Variants in RALY observed in about 807,000 individuals in gnomAD.
RALY encodes RNA-binding protein Raly.
Under a neutral mutation model 30.7 loss-of-function variants are expected in RALY, and 15 were observed. The observed-to-expected ratio is 0.49, with a 90% CI of 0.33 to 0.75. The LOEUF is 0.75. Ranked by LOEUF, RALY falls within the 30% of genes least tolerant of loss-of-function variation. The probability of loss-of-function intolerance (pLI) is 0.02; values close to 1 mark genes in which losing one functional copy is unlikely to be tolerated. For missense variants in RALY, 339 were observed against 414.3 expected (o/e 0.82, Z 1.58); for synonymous variants, 177 against 170.8 (o/e 1.04, Z -0.28).
chr20:34,002,241 A>G (rs1338803192), intron 1 of RALY, among the ~76,000 whole-genome samples: 1 of 152,182 alleles, frequency 6.6e-6, no homozygotes, highest in Non-Finnish European at 1.5e-5. Flanking sequence ...ATTCACCCTA[A>G]TTGATTCTTA....
At position 33,999,523 on chromosome 20, in the gene RALY, T is replaced by G. The variant is rs554059497; in HGVS notation, c.-93+5392T>G. Among the ~76,000 whole-genome samples the G allele has an allele frequency of 3.9e-5, 6 of 152,320 alleles. No individual in the cohort carries two copies. The East Asian group carries it at 1.2e-3, about 29-fold the overall frequency. On this transcript the variant is annotated intron_variant, in intron 1 of 9. Transcript: ENST00000246194. ...GGCACAGCCTGGAAACTGCTTACGT[T>G]AAGCCAAGAAAAGTTTACATTTTAT...
chr20:34,078,521 C>A lies in RALY; in HGVS notation c.893C>A (p.Thr298Lys). The A allele has an allele frequency of 6.3e-7, 1 of 1,587,998 alleles. No individual in the cohort carries two copies. The highest frequency in any genetic ancestry group is 8.6e-7 in the Non-Finnish European group (1 of 1,167,006). The change falls in exon 9 of 10, where the codon ACA becomes AAA. Residue 298 changes from threonine to lysine, a missense_variant. Around this residue, in one of 2 missense-constraint regions of RALY, gnomAD observed 268 missense variants for 280.6 expected, o/e 0.95. Coordinates refer to ENST00000246194, the MANE Select transcript of RALY (RefSeq NM_016732.3). ...CCCTATCAGGAACACAGCCAGGACA[C>A]AGACGCGGATGATGGGGCCTTGCAG... ...SEEELEHSQD[T>K]DADDGALQ
At chr20:33,998,105 T>G (rs1157861994) in intron 1 of RALY, among the ~76,000 whole-genome samples, 1 of 152,238 alleles carries the variant, frequency 6.6e-6, no homozygotes, top group Non-Finnish European at 1.5e-5. Flanking sequence ...GGAAAGTTTT[T>G]CATTCACTGA....
intron 2 of RALY, among the ~76,000 whole-genome samples, chr20:34,058,962 T>A (rs2033338401): frequency 6.6e-6 from 1 of 152,070 alleles, no homozygotes; most frequent in Non-Finnish European, 1.5e-5. Flanking sequence ...TGCTTAGTAA[T>A]GTTTGTGGAG....
intron 1 of RALY, among the ~76,000 whole-genome samples, chr20:33,995,186 C>T (rs2030552861): frequency 1.3e-5 from 2 of 152,158 alleles, no homozygotes; most frequent in Admixed American, 6.5e-5. Flanking sequence ...TACCATAGTT[C>T]TAAAGGGAAA....
At chr20:34,005,239 A>C (rs1279007869) in intron 1 of RALY, among the ~76,000 whole-genome samples, 2 of 152,112 alleles carry the variant, frequency 1.3e-5, no homozygotes, top group African/African-American at 2.4e-5. Context: ...GGCTGGGTGC[A>C]GTGGCTCATG....
At chr20:34,067,402 G>T (rs1359743126) in intron 2 of RALY, among the ~76,000 whole-genome samples, 1 of 151,962 alleles carries the variant, frequency 6.6e-6, no homozygotes, top group Non-Finnish European at 1.5e-5. Context: ...CTAACCTCAA[G>T]TGATCCACCT....
chr20:34,052,193 C>G (rs1186363298), intron 2 of RALY, among the ~76,000 whole-genome samples: 1 of 152,216 alleles, frequency 6.6e-6, no homozygotes, highest in Non-Finnish European at 1.5e-5. Flanking sequence ...TTACCGCTGC[C>G]TTTGCAGACC....
chr20:34,007,774 C>T lies in RALY; in HGVS notation c.-93+13643C>T, dbSNP rs560208760. On this transcript the variant is annotated intron_variant, in intron 1 of 9. Coordinates refer to ENST00000246194, the MANE Select transcript of RALY (RefSeq NM_016732.3). ...GGCAGAGGTTGCAGTGAGCCAAGAT[C>T]GCACCATTGCACTCCAGCCTGGGCA... Among the ~76,000 whole-genome samples, 11 of 147,038 alleles carry T rather than the reference C, an allele frequency of 7.5e-5. No homozygotes were observed. The East Asian group carries it at 1.0e-3, about 13-fold the overall frequency.
At chr20:34,037,793 C>T (rs1445574443) in intron 2 of RALY, among the ~76,000 whole-genome samples, 1 of 152,206 alleles carries the variant, frequency 6.6e-6, no homozygotes, top group African/African-American at 2.4e-5. Flanking sequence ...AGCAGTGCAT[C>T]ATTGTCCTTC....
At chr20:34,041,729 G>C (rs965487300) in intron 2 of RALY, among the ~76,000 whole-genome samples, 2 of 152,156 alleles carry the variant, frequency 1.3e-5, no homozygotes, top group Non-Finnish European at 2.9e-5. Flanking sequence ...TGGAATTTTA[G>C]GATATCAGAG....
intron 1 of RALY, among the ~76,000 whole-genome samples, chr20:34,005,380 G>A (rs780243262): frequency 3.9e-5 from 6 of 152,096 alleles, no homozygotes; most frequent in South Asian, 2.1e-4. Flanking sequence ...GTGGTGGCGC[G>A]TGCCTGTAAT....
At chr20:34,069,170 T>C (rs1417201136) in intron 2 of RALY, among the ~76,000 whole-genome samples, 1 of 152,144 alleles carries the variant, frequency 6.6e-6, no homozygotes, top group Non-Finnish European at 1.5e-5. Context: ...ACTGTGACCT[T>C]TACCCTCATC....
chr20:34,075,014 C>T (rs1189601090), intron 5 of RALY, among the ~76,000 whole-genome samples: 1 of 152,172 alleles, frequency 6.6e-6, no homozygotes, highest in Non-Finnish European at 1.5e-5. Flanking sequence ...CAACAGATGT[C>T]AGAGAGACCA....
chr20:34,063,709 T>C (rs1330172749), intron 2 of RALY, among the ~76,000 whole-genome samples: 1 of 152,172 alleles, frequency 6.6e-6, no homozygotes, highest in African/African-American at 2.4e-5. Flanking sequence ...CAGCTCTATG[T>C]ACAGGAGGAA....
At chr20:34,079,731 G>C (rs1011750077) in intron 9 of RALY, among the ~76,000 whole-genome samples, 179 bp from the exon 10 acceptor site, 1 of 152,214 alleles carries the variant, frequency 6.6e-6, no homozygotes, top group Non-Finnish European at 1.5e-5. Context: ...TGGAGGTTCA[G>C]AGAGCGGGTG....
chr20:34,050,775 C>G (rs2033052119), intron 2 of RALY, among the ~76,000 whole-genome samples: 1 of 152,160 alleles, frequency 6.6e-6, no homozygotes. Context: ...ATTTCCCAGC[C>G]ATGTTCCAAG....
intron 2 of RALY, among the ~76,000 whole-genome samples, chr20:34,066,048 G>T (rs1277951836): frequency 6.6e-6 from 1 of 152,012 alleles, no homozygotes; most frequent in South Asian, 2.1e-4. Context: ...AGAGTGTTAA[G>T]ACAGCCATTG....
Position 34,081,105 on chromosome 20 carries a change from A to G in RALY, c.*1200A>G, listed in dbSNP as rs1236940383. On this transcript the variant is annotated 3_prime_UTR_variant, in exon 10 of 10. Coordinates refer to ENST00000246194, the MANE Select transcript of RALY (RefSeq NM_016732.3). ...CTTCCCCCTTCATTCCCCACAATGAATGGATCCATTTTCCCCATGTTCAAG... is the reference window on the plus strand; with the variant it reads ...CTTCCCCCTTCATTCCCCACAATGAGTGGATCCATTTTCCCCATGTTCAAG... 1.3e-5 allele frequency: 2 copies of G among 152,160 alleles called. No individual in the cohort carries two copies. Among genetic ancestry groups the G allele is most frequent in the African/African-American group, 4.8e-5 (2 of 41,426 alleles). 9.4% of individuals were successfully genotyped at this position (152,160 alleles called of 1,614,324 possible). A position where few individuals can be genotyped will look rare whatever the true frequency, so the allele number is the denominator to read the frequency against.
Sources: gnomAD v4.1 joint callset for allele counts (sites outside exome capture counted in the v4.1 genomes callset) on GRCh38, gnomAD v4.1.1 for gene constraint, gnomAD v4.1.1 regional missense constraint, MANE v1.5 for transcripts, NCBI Gene and HGNC (gene_info 2026-07-23, HGNC 2026-07-21) for gene names.